Variants in RBMS3 observed in about 807,000 individuals in gnomAD.
The protein encoded by RBMS3 is RNA-binding motif, single-stranded-interacting protein 3.
RBMS3 carries 27 observed loss-of-function variants against 66.8 expected under a neutral mutation model. That is an observed-to-expected ratio of 0.40 (90% CI 0.30 to 0.56). The LOEUF is 0.56. RBMS3 is among the 20% of genes least tolerant of loss of function. The pLI is 0.40. For missense variants in RBMS3, 513 were observed against 549.5 expected (o/e 0.93, Z 0.66); for synonymous variants, 188 against 183.0 (o/e 1.03, Z -0.22).
At chr3:29,579,497 T>C (rs983735556) in intron 3 of RBMS3, among the ~76,000 whole-genome samples, 4 of 152,174 alleles carry the variant, frequency 2.6e-5, no homozygotes, top group African/African-American at 9.7e-5. Flanking sequence ...GAAATTTTAG[T>C]TAGGTTTGCC....
At chr3:29,625,700 G>GTAAATAAA (rs35124957) in intron 4 of RBMS3, among the ~76,000 whole-genome samples, 7,043 of 139,854 alleles carry the variant, frequency 0.05, 455 homozygotes, top group African/African-American at 0.16. Flanking sequence ...CGCCATTAAA[G>GTAAATAAA]TAAATAAATA....
rs59274434 is a variant in RBMS3, at chr3:29,369,487, A to AACACACACACACACAC, written c.76-65225_76-65210dup. 1.7e-3 allele frequency among the ~76,000 whole-genome samples: 229 copies of AACACACACACACACAC among 135,356 alleles called. 1 individual carries two copies. The highest frequency in any genetic ancestry group is 4.6e-3 in the South Asian group (17 of 3,678). The allele number at this position is 135,356 out of a possible 152,430, so 88.8% of individuals were successfully genotyped here. The stretch of plus-strand genomic sequence containing the variant: ...TCAGATTCTCAGATCATCACTCCTT[A>AACACACACACACACAC]ACACACACACACACACACACACACA... On this transcript the variant is annotated intron_variant, in intron 1 of 14. Transcript: ENST00000383767.
At chr3:29,958,588 A>G (rs1696197377) in intron 12 of RBMS3, among the ~76,000 whole-genome samples, 1 of 152,124 alleles carries the variant, frequency 6.6e-6, no homozygotes, top group Non-Finnish European at 1.5e-5. Flanking sequence ...ACTCAATTGA[A>G]TTATATTGCC....
intron 2 of RBMS3, among the ~76,000 whole-genome samples, chr3:29,442,501 A>T (rs766013236): frequency 6.6e-6 from 1 of 152,166 alleles, no homozygotes; most frequent in African/African-American, 2.4e-5. Flanking sequence ...GAGAGGACCA[A>T]TTGACTTAGT....
At chr3:29,558,388 C>A (rs2046430824) in intron 3 of RBMS3, among the ~76,000 whole-genome samples, 1 of 152,130 alleles carries the variant, frequency 6.6e-6, no homozygotes. Flanking sequence ...GACCATGATC[C>A]AGGCAACATT....
chr3:29,500,561 T>C (rs150738044), intron 3 of RBMS3, among the ~76,000 whole-genome samples: 1,627 of 152,112 alleles, frequency 0.011, 11 homozygotes, highest in Non-Finnish European at 0.013. Flanking sequence ...ATGTTTTTAC[T>C]GTACCTTTTC....
At chr3:29,672,253 A>T (rs2051035547) in intron 4 of RBMS3, among the ~76,000 whole-genome samples, 1 of 152,222 alleles carries the variant, frequency 6.6e-6, no homozygotes, top group Non-Finnish European at 1.5e-5. Context: ...TTTTATCACC[A>T]CCAGGCCTGC....
intron 2 of RBMS3, 88 bp downstream of exon 2, chr3:29,435,003 C>A: frequency 3.9e-6 from 5 of 1,297,300 alleles, no homozygotes; most frequent in Non-Finnish European, 5.3e-6. Flanking sequence ...ATGTACTCAT[C>A]CACTGGTGTC....
intron 1 of RBMS3, among the ~76,000 whole-genome samples, chr3:29,331,924 C>T (rs1262809360): frequency 1.4e-5 from 2 of 142,282 alleles, no homozygotes; most frequent in Non-Finnish European, 3.0e-5. Context: ...AGGCCACATA[C>T]TATGTCCAAT....
intron 4 of RBMS3, among the ~76,000 whole-genome samples, chr3:29,706,043 A>C (rs924026410): frequency 6.6e-6 from 1 of 152,180 alleles, no homozygotes; most frequent in African/African-American, 2.4e-5. Context: ...ATTGTGAGAC[A>C]CTGAAGCTCC....
At chr3:29,965,200 T>C (rs1696745437) in intron 12 of RBMS3, among the ~76,000 whole-genome samples, 2 of 152,168 alleles carry the variant, frequency 1.3e-5, no homozygotes, top group South Asian at 4.1e-4. Context: ...AGTATATTTT[T>C]TGAATAATAA....
At chr3:29,441,958 G>A (rs1300666515) in intron 2 of RBMS3, among the ~76,000 whole-genome samples, 1 of 151,992 alleles carries the variant, frequency 6.6e-6, no homozygotes, top group African/African-American at 2.4e-5. Context: ...GAAAATTTGG[G>A]GATGAATTTG....
intron 4 of RBMS3, among the ~76,000 whole-genome samples, chr3:29,631,857 C>A (rs13316618): frequency 0.093 from 14,172 of 151,840 alleles, 1,180 homozygotes; most frequent in East Asian, 0.35. Context: ...AAACTTCTTT[C>A]CTCTGGGTGG....
intron 1 of RBMS3, among the ~76,000 whole-genome samples, chr3:29,301,170 T>G (rs559982811): frequency 2.6e-5 from 4 of 151,940 alleles, no homozygotes; most frequent in Non-Finnish European, 4.4e-5. Context: ...AAAAGAGACT[T>G]AAGTTTTGTC....
At chr3:29,399,209 G>A (rs907934769) in intron 1 of RBMS3, among the ~76,000 whole-genome samples, 8 of 144,302 alleles carry the variant, frequency 5.5e-5, no homozygotes, top group African/African-American at 7.9e-5. Context: ...GGCCCCACAT[G>A]TGTGTGTGTG....
intron 12 of RBMS3, among the ~76,000 whole-genome samples, chr3:29,969,648 A>T (rs1697096833): frequency 6.6e-6 from 1 of 152,202 alleles, no homozygotes; most frequent in South Asian, 2.1e-4. Flanking sequence ...GTAAACATCA[A>T]GTTTCATTGG....
intron 4 of RBMS3, among the ~76,000 whole-genome samples, chr3:29,596,109 C>T (rs1245491783): frequency 6.6e-6 from 1 of 152,194 alleles, no homozygotes; most frequent in Non-Finnish European, 1.5e-5. Flanking sequence ...GCAATGGAAG[C>T]TTTCCTGGAC....
chr3:29,401,344 CT>C (rs1366216890), intron 1 of RBMS3, among the ~76,000 whole-genome samples: 11 of 152,022 alleles, frequency 7.2e-5, no homozygotes, highest in African/African-American at 2.7e-4. Context: ...AAGTTATAAA[CT>C]GTTATGTTTA....
intron 1 of RBMS3, among the ~76,000 whole-genome samples, chr3:29,328,206 A>T (rs2035451404): frequency 6.6e-6 from 1 of 152,178 alleles, no homozygotes. Flanking sequence ...TTCTTGGCTT[A>T]TTGTACATTA....
Sources: gnomAD v4.1 joint callset for allele counts (sites outside exome capture counted in the v4.1 genomes callset) on GRCh38, gnomAD v4.1.1 for gene constraint, MANE v1.5 for transcripts, NCBI Gene and HGNC (gene_info 2026-07-23, HGNC 2026-07-21) for gene names.